The following CTNNBL1 variants were observed in gnomAD, a reference collection of about 807,000 sequenced individuals.
The protein encoded by CTNNBL1 is beta-catenin-like protein 1.
CTNNBL1 carries 31 observed loss-of-function variants against 72.7 expected under a neutral mutation model. The observed-to-expected ratio is 0.43, with a 90% CI of 0.32 to 0.58. The LOEUF (loss-of-function observed/expected upper bound fraction) is 0.58, where lower values mean the gene tolerates loss of function less well. CTNNBL1 is among the 20% of genes least tolerant of loss of function. The probability of loss-of-function intolerance (pLI) is 0.08; values close to 1 mark genes in which losing one functional copy is unlikely to be tolerated. For synonymous variants in CTNNBL1, 240 were observed against 267.3 expected, an observed-to-expected ratio of 0.90 and a Z score of 1.00; for missense variants, 534 against 725.1, an observed-to-expected ratio of 0.74 and a Z score of 3.03.
At chr20:37,745,801 G>C (rs1011223341) in intron 3 of CTNNBL1, among the ~76,000 whole-genome samples, 1 of 152,162 alleles carries the variant, frequency 6.6e-6, no homozygotes, top group Non-Finnish European at 1.5e-5. Flanking sequence ...GTCAAACACC[G>C]GGGGAGGGCA....
At position 37,860,335 on chromosome 20, in the gene CTNNBL1, A is replaced by G. The variant is rs2072481248; in HGVS notation, c.1594A>G (p.Ile532Val). Residue 532 changes from isoleucine to valine, a missense_variant, in exon 15 of 16, where the codon ATC becomes GTC. Coordinates refer to ENST00000361383, the MANE Select transcript of CTNNBL1 (RefSeq NM_030877.5). Reference sequence around the variant, plus strand: ...AAGCTCCATCAAAATTGTCAGGCATATCATCAAGGGTGAGTTGGATGCTAC... The same window carrying G: ...AAGCTCCATCAAAATTGTCAGGCATGTCATCAAGGGTGAGTTGGATGCTAC... ...RGSSIKIVRH[I>V]IKEYAENIGD... The G allele has an allele frequency of 6.2e-7, 1 of 1,613,394 alleles. No individual in the cohort carries two copies. Among genetic ancestry groups the G allele is most frequent in the Non-Finnish European group, 8.5e-7 (1 of 1,179,290 alleles).
chr20:37,839,507 C>G (rs2072283437), intron 11 of CTNNBL1, among the ~76,000 whole-genome samples: 1 of 152,124 alleles, frequency 6.6e-6, no homozygotes, highest in Non-Finnish European at 1.5e-5. Context: ...AATAGTATTT[C>G]ATAATAGAAG....
rs865888754 is a variant in CTNNBL1 at position 37,707,518 on chromosome 20, T to C, written c.30+13366T>C. Among the ~76,000 whole-genome samples the C allele has an allele frequency of 5.3e-5, 8 of 152,332 alleles. No homozygotes were observed. The Middle Eastern group carries it at 0.02, about 389-fold the overall frequency. ...TTGTGTGCAGCTTCCTCACCTCTCT[T>C]AGCCTTCATAGAACTGAAGAGAGTT... On this transcript the variant is annotated intron_variant, in intron 1 of 15. Transcript: ENST00000361383.
At chr20:37,744,151 A>G (rs1353115220) in intron 3 of CTNNBL1, among the ~76,000 whole-genome samples, 1 of 152,258 alleles carries the variant, frequency 6.6e-6, no homozygotes, top group Non-Finnish European at 1.5e-5. Context: ...GAAGAAATAC[A>G]AACAGTAAAC....
rs187060444 is a variant in CTNNBL1 at position 37,780,727 on chromosome 20, G to A, written c.1031+1392G>A. On this transcript the variant is annotated intron_variant, in intron 10 of 15. Coordinates refer to ENST00000361383, the MANE Select transcript of CTNNBL1 (RefSeq NM_030877.5). ...TTAAAATGATGTTAGGATTATCCAGGTACAGTAAGTCCTCACTTAACATCA... is the reference window on the plus strand; with the variant it reads ...TTAAAATGATGTTAGGATTATCCAGATACAGTAAGTCCTCACTTAACATCA... Among the ~76,000 whole-genome samples, 19 of 152,216 alleles carry A rather than the reference G, an allele frequency of 1.2e-4. No individual in the cohort carries two copies. The East Asian group carries it at 3.7e-3, about 29-fold the overall frequency.
intron 10 of CTNNBL1, among the ~76,000 whole-genome samples, chr20:37,793,759 A>G (rs889267056): frequency 2.0e-5 from 3 of 152,128 alleles, no homozygotes; most frequent in African/African-American, 7.2e-5. Flanking sequence ...TTTTTGTTTA[A>G]GTGGTCAAGT....
chr20:37,765,375 TAG>T (rs1161393038), intron 6 of CTNNBL1, 85 bp downstream of exon 6: 23 of 862,354 alleles, frequency 2.7e-5, no homozygotes, highest in Non-Finnish European at 4.0e-5. Flanking sequence ...TTCTTCATAA[TAG>T]AGTCAATAGC....
intron 7 of CTNNBL1, among the ~76,000 whole-genome samples, chr20:37,776,919 C>T (rs866424860): frequency 6.6e-6 from 1 of 152,080 alleles, no homozygotes; most frequent in East Asian, 1.9e-4. Context: ...TCAAGAATTG[C>T]TTTCTTCTCT....
chr20:37,801,254 T>G (rs568325863), intron 10 of CTNNBL1, among the ~76,000 whole-genome samples: 1 of 152,166 alleles, frequency 6.6e-6, no homozygotes, highest in Non-Finnish European at 1.5e-5. Flanking sequence ...CTCCCCAGAT[T>G]TAGCTTTTTT....
chr20:37,797,248 C>T (rs772985775), intron 10 of CTNNBL1, among the ~76,000 whole-genome samples: 4 of 151,992 alleles, frequency 2.6e-5, no homozygotes, highest in Admixed American at 6.6e-5. Context: ...TGAACTTCAT[C>T]ATGCACGTTG....
chr20:37,833,154 A>ATT (rs1271943017), intron 11 of CTNNBL1, among the ~76,000 whole-genome samples: 1 of 152,180 alleles, frequency 6.6e-6, no homozygotes, highest in Non-Finnish European at 1.5e-5. Context: ...TCTCAGGGCT[A>ATT]TTGTTTCCAT....
intron 1 of CTNNBL1, chr20:37,694,957 A>G (rs1446603651): frequency 6.6e-6 from 1 of 152,232 alleles, no homozygotes; most frequent in Admixed American, 6.5e-5. Flanking sequence ...GTAGAGCTGC[A>G]CTGCCGAATG....
At chr20:37,832,072 A>G (rs1477395723) in intron 11 of CTNNBL1, among the ~76,000 whole-genome samples, 1 of 152,234 alleles carries the variant, frequency 6.6e-6, no homozygotes, top group Non-Finnish European at 1.5e-5. Flanking sequence ...ATCTTGTATT[A>G]TTTGGCTTTA....
intron 9 of CTNNBL1, 114 bp from the exon 10 acceptor site, chr20:37,779,073 T>C: frequency 1.0e-6 from 1 of 980,018 alleles, no homozygotes. Flanking sequence ...TTGGTGAGCT[T>C]CTGTTTCCTC....
intron 1 of CTNNBL1, among the ~76,000 whole-genome samples, chr20:37,717,558 C>T (rs2072997152): frequency 6.6e-6 from 1 of 151,726 alleles, no homozygotes; most frequent in Non-Finnish European, 1.5e-5. Context: ...GCAGGTGACC[C>T]AGTGCTCAGT....
intron 15 of CTNNBL1, among the ~76,000 whole-genome samples, chr20:37,864,010 G>A (rs2072515044): frequency 6.6e-6 from 1 of 152,154 alleles, no homozygotes; most frequent in African/African-American, 2.4e-5. Flanking sequence ...AGTGTGGCCT[G>A]CCTCTGGGAG....
At chr20:37,855,484 C>T (rs1056059532) in intron 13 of CTNNBL1, among the ~76,000 whole-genome samples, 8 of 152,304 alleles carry the variant, frequency 5.3e-5, no homozygotes, top group Non-Finnish European at 1.0e-4. Flanking sequence ...TCACTGCTGT[C>T]CCAGCACAGC....
At chr20:37,715,823 A>G (rs2072981288) in intron 1 of CTNNBL1, among the ~76,000 whole-genome samples, 1 of 152,238 alleles carries the variant, frequency 6.6e-6, no homozygotes. Context: ...CTCTGAAGTC[A>G]TTGTAAATTG....
At chr20:37,782,532 C>A (rs2073635002) in intron 10 of CTNNBL1, among the ~76,000 whole-genome samples, 1 of 152,134 alleles carries the variant, frequency 6.6e-6, no homozygotes, top group African/African-American at 2.4e-5. Flanking sequence ...ACAGCACTAT[C>A]CAGTCGAAAT....
Sources: allele counts gnomAD v4.1 joint callset (sites outside exome capture counted in the v4.1 genomes callset), GRCh38; gene constraint gnomAD v4.1.1; transcripts MANE v1.5; gene names NCBI Gene and HGNC (gene_info 2026-07-23, HGNC 2026-07-21).